The following CGGBP1 variants were observed in gnomAD, a reference collection of about 807,000 sequenced individuals.
CGGBP1 encodes the protein CGG triplet repeat-binding protein 1.
Under a neutral mutation model 11.4 loss-of-function variants are expected in CGGBP1, and 4 were observed. The ratio of observed to expected loss-of-function variants is 0.35; its 90% CI spans 0.17 to 0.80. The LOEUF is 0.80. Ranked by LOEUF, CGGBP1 falls within the 30% of genes least tolerant of loss-of-function variation. The probability of loss-of-function intolerance (pLI) is 0.52; values close to 1 mark genes in which losing one functional copy is unlikely to be tolerated. For missense variants in CGGBP1, 135 were observed against 202.1 expected (o/e 0.67, Z 2.01); for synonymous variants, 76 against 74.1 (o/e 1.03, Z -0.13).
chr3:88,094,391 A>G (rs1285191435), intron 2 of CGGBP1, among the ~76,000 whole-genome samples: 2 of 152,086 alleles, frequency 1.3e-5, no homozygotes, highest in African/African-American at 2.4e-5. Flanking sequence ...TAGTTGTTTT[A>G]TGAGCAAAGA....
chr3:88,139,736 T>C, intron 2 of CGGBP1: 1 of 1,556,170 alleles, frequency 6.4e-7, no homozygotes, highest in Non-Finnish European at 8.7e-7. Context: ...TAAATAATGT[T>C]TTCAAGCCTT....
intron 2 of CGGBP1, among the ~76,000 whole-genome samples, chr3:88,116,613 TGTG>T (rs1705421755): frequency 6.8e-6 from 1 of 146,714 alleles, no homozygotes; most frequent in Non-Finnish European, 1.5e-5. Context: ...GTATATATGT[TGTG>T]TGTGTGTGTG....
intron 2 of CGGBP1, chr3:88,086,420 C>A: frequency 6.9e-7 from 1 of 1,458,942 alleles, no homozygotes; most frequent in Non-Finnish European, 9.1e-7. Context: ...CTTTTTACTT[C>A]TTATAAATGC....
At chr3:88,105,529 TG>T (rs1704684046) in intron 2 of CGGBP1, among the ~76,000 whole-genome samples, 1 of 152,158 alleles carries the variant, frequency 6.6e-6, no homozygotes, top group South Asian at 2.1e-4. Flanking sequence ...TGCCAGATTT[TG>T]GGGGTAGGTT....
At chr3:88,063,352 G>T (rs7426988), upstream of CGGBP1, among the ~76,000 whole-genome samples, 1 of 152,102 alleles carries the variant, frequency 6.6e-6, no homozygotes, top group African/African-American at 2.4e-5. Flanking sequence ...TCCTCAAATA[G>T]TTTTTAAGTA....
rs1159464202 is a variant in CGGBP1 at position 88,054,249 on chromosome 3, T to A, written c.*1224A>T. 2 of 152,598 alleles carry A rather than the reference T, an allele frequency of 1.3e-5. No homozygotes were observed. Among genetic ancestry groups the A allele is most frequent in the African/African-American group, 4.8e-5 (2 of 41,456 alleles). The allele number at this position is 152,598 out of a possible 1,614,324, so 9.5% of individuals were successfully genotyped here. ...TCCAAGTTTCCAGCTGTTAAATTTT[T>A]AAAAAATATAATTTGGGTCTCTGAT... On this transcript the variant is annotated 3_prime_UTR_variant, in exon 4 of 4. Coordinates refer to ENST00000482016, the MANE Select transcript of CGGBP1 (RefSeq NM_001008390.2).
At chr3:88,101,694 C>T (rs1366400555) in intron 2 of CGGBP1, among the ~76,000 whole-genome samples, 1 of 152,092 alleles carries the variant, frequency 6.6e-6, no homozygotes, top group African/African-American at 2.4e-5. Flanking sequence ...GATACCTAGG[C>T]ATAGAATTGT....
chr3:88,070,755 A>T (rs959618708), intron 2 of CGGBP1, among the ~76,000 whole-genome samples: 2 of 152,094 alleles, frequency 1.3e-5, no homozygotes, highest in African/African-American at 4.8e-5. Flanking sequence ...ATTCTCGTTT[A>T]TCCTTTGCAA....
rs1706517236 is a variant in CGGBP1, at chr3:88,055,337, G to C, written c.*136C>G. 2 of 760,048 alleles carry C rather than the reference G, an allele frequency of 2.6e-6. No homozygotes were observed. Among genetic ancestry groups the C allele is most frequent in the Admixed American group, 6.7e-5 (2 of 29,756 alleles). 47.1% of individuals were successfully genotyped at this position (760,048 alleles called of 1,614,324 possible). A position where few individuals can be genotyped will look rare whatever the true frequency, so the allele number is the denominator to read the frequency against. On this transcript the variant is annotated 3_prime_UTR_variant, in exon 4 of 4. Transcript: ENST00000482016. This position sits in a 1 kb window ranked among gnomAD's most constrained non-coding sequence, Gnocchi z 4.2. The stretch of plus-strand genomic sequence containing the variant: ...CAGTGAGGTGGTTTTTTTTTTGCCT[G>C]CAACTATATACACATTGCAAAACTA...
chr3:88,072,611 T>C (rs553804160), intron 2 of CGGBP1, among the ~76,000 whole-genome samples: 2 of 152,202 alleles, frequency 1.3e-5, no homozygotes, highest in African/African-American at 4.8e-5. Flanking sequence ...ATTAGAGAGA[T>C]AGAGGCCTTC....
chr3:88,081,569 T>C (rs1708079271), intron 2 of CGGBP1, among the ~76,000 whole-genome samples: 1 of 152,260 alleles, frequency 6.6e-6, no homozygotes, highest in Admixed American at 6.5e-5. Context: ...AGTATGGACT[T>C]ACATATATTT....
At chr3:88,059,284 C>G (rs972256062), upstream of CGGBP1, 5 of 1,532,064 alleles carry the variant, frequency 3.3e-6, no homozygotes, top group Non-Finnish European at 4.4e-6. Flanking sequence ...GCGGCGGCGG[C>G]GCAGGGGCTG....
At chr3:88,135,068 A>G in intron 2 of CGGBP1, 1 of 1,419,874 alleles carries the variant, frequency 7.0e-7, no homozygotes. Flanking sequence ...CAGGGAGTTG[A>G]TTTTCATATG....
At chr3:88,146,401 A>C (rs1307973277) in intron 1 of CGGBP1, among the ~76,000 whole-genome samples, 1 of 152,222 alleles carries the variant, frequency 6.6e-6, no homozygotes, top group East Asian at 1.9e-4. Context: ...TGGATACTTT[A>C]GTAGTAAGAT....
intron 2 of CGGBP1, among the ~76,000 whole-genome samples, chr3:88,068,042 G>A (rs955625061): frequency 3.6e-4 from 55 of 152,284 alleles, no homozygotes; most frequent in African/African-American, 1.3e-3. Context: ...AGCACAAGTG[G>A]AGGGGTGTTG....
chr3:88,087,076 C>T (rs912075026), intron 2 of CGGBP1, among the ~76,000 whole-genome samples: 4 of 150,568 alleles, frequency 2.7e-5, no homozygotes, highest in African/African-American at 9.8e-5. Flanking sequence ...GCCACCGTGC[C>T]CAGCCCATTG....
chr3:88,092,417 A>G (rs1258290102), intron 2 of CGGBP1, among the ~76,000 whole-genome samples: 1 of 152,152 alleles, frequency 6.6e-6, no homozygotes, highest in African/African-American at 2.4e-5. Flanking sequence ...AGAGAATTAC[A>G]GAATGCAATG....
intron 2 of CGGBP1, among the ~76,000 whole-genome samples, chr3:88,064,507 G>A (rs1022829717): frequency 3.3e-5 from 5 of 152,080 alleles, no homozygotes; most frequent in African/African-American, 1.2e-4. Context: ...TGATCTTTTT[G>A]TTTCTGACTC....
At chr3:88,059,141 C>T, upstream of CGGBP1, 2 of 1,220,298 alleles carry the variant, frequency 1.6e-6, no homozygotes, top group Non-Finnish European at 2.2e-6. Context: ...CTTGCGTCTT[C>T]CAATAAAAAC....
Sources: gnomAD v4.1 joint callset for allele counts (sites outside exome capture counted in the v4.1 genomes callset) on GRCh38, gnomAD v4.1.1 for gene constraint, Gnocchi (gnomAD v3.1) non-coding constraint, MANE v1.5 for transcripts, NCBI Gene and HGNC (gene_info 2026-07-23, HGNC 2026-07-21) for gene names.